The following TMED7 variants were observed in gnomAD, a reference collection of about 807,000 sequenced individuals.
TMED7 encodes the protein transmembrane p24 trafficking protein 7.
In TMED7, 8 loss-of-function variants were observed where a neutral mutation model predicts 23.4. That is an observed-to-expected ratio of 0.34 (90% confidence interval 0.20 to 0.62). The LOEUF is 0.62. TMED7 is among the 20% of genes least tolerant of loss of function. The pLI is 0.77. For missense variants in TMED7, 232 were observed against 279.1 expected (o/e 0.83, Z 1.20); for synonymous variants, 121 against 108.5 (o/e 1.12, Z -0.72).
intron 2 of TMED7, among the ~76,000 whole-genome samples, chr5:115,617,514 G>C (rs1248134823): frequency 2.0e-5 from 3 of 149,530 alleles, no homozygotes; most frequent in African/African-American, 7.3e-5. Context: ...GCTTTGTTCA[G>C]GCCCCTAGGA....
chr5:115,625,980 G>T lies in TMED7; in HGVS notation c.-188C>A. ...TTCCTGTGAGGGGCGCAGACGGGCG[G>T]ACCTGGGGAGGTAAAAGAGAAGCGG... On this transcript the variant is annotated 5_prime_UTR_variant, in exon 1 of 3. Coordinates refer to ENST00000456936, the MANE Select transcript of TMED7 (RefSeq NM_181836.6). 1.3e-6 allele frequency: 1 copy of T among 743,078 alleles called. No individual in the cohort carries two copies. 46.0% of individuals were successfully genotyped at this position (743,078 alleles called of 1,614,324 possible).
Position 115,613,983 on chromosome 5 carries a change from A to G in TMED7, c.*2226T>C, listed in dbSNP as rs17474216. 8,108 of 152,624 alleles carry G rather than the reference A, an allele frequency of 0.053. 265 individuals are homozygous for G. The highest frequency in any genetic ancestry group is 0.13 in the Middle Eastern group (37 of 294). The allele number at this position is 152,624 out of a possible 1,614,324, so 9.5% of individuals were successfully genotyped here. A position where few individuals can be genotyped will look rare whatever the true frequency, so the allele number is the denominator to read the frequency against. ...GATGTTCAAATATGTATTCTGAGCC[A>G]TTATGTTCAAACATAAATATCTGGG... On this transcript the variant is annotated 3_prime_UTR_variant, in exon 3 of 3. Transcript: ENST00000456936.
intron 1 of TMED7, among the ~76,000 whole-genome samples, chr5:115,624,546 G>A (rs1025164292): frequency 2.0e-5 from 3 of 152,114 alleles, no homozygotes; most frequent in African/African-American, 7.2e-5. Flanking sequence ...TCACTGAACT[G>A]CTTATAACCC....
intron 1 of TMED7, among the ~76,000 whole-genome samples, chr5:115,624,911 T>C (rs1340749648): frequency 2.6e-5 from 4 of 152,234 alleles, no homozygotes; most frequent in African/African-American, 9.6e-5. Flanking sequence ...GCAGTGACCC[T>C]ATCTGTTTCG....
chr5:115,620,355 C>T, intron 2 of TMED7, 80 bp downstream of exon 2: 2 of 1,346,212 alleles, frequency 1.5e-6, no homozygotes, highest in South Asian at 4.9e-5. Context: ...CCATGCTCAT[C>T]AGTTAGTGCA....
Position 115,620,658 on chromosome 5 carries a change from T to C in TMED7, c.215A>G (p.Asp72Gly). Residue 72 changes from aspartate (D) to glycine (G), a missense_variant, in exon 2 of 3, where the codon GAT becomes GGT. By Grantham distance (94) the Asp-to-Gly change is moderately conservative (BLOSUM62 -1). Around this residue, in one of 2 missense-constraint regions of TMED7, gnomAD observed 126 missense variants for 182.1 expected, o/e 0.69. Transcript: ENST00000456936. ...EFQVITGGHY[D>G]VDCRLEDPDG... Reference sequence around the variant, plus strand: ...AGGATCTTCTAATCGACAATCTACATCATAGTGACCACCAGTAATCACCTG... The same window carrying C: ...AGGATCTTCTAATCGACAATCTACACCATAGTGACCACCAGTAATCACCTG... 6.5e-7 allele frequency: 1 copy of C among 1,527,202 alleles called. No individual in the cohort carries two copies. The highest frequency in any genetic ancestry group is 8.8e-7 in the Non-Finnish European group (1 of 1,137,660). The allele number at this position is 1,527,202 out of a possible 1,614,324, so 94.6% of individuals were successfully genotyped here.
In TMED7 at chr5:115,625,804, G is replaced by T. The variant is rs901407835; in HGVS notation, c.-12C>A. On this transcript the variant is annotated 5_prime_UTR_variant, in exon 1 of 3. Coordinates refer to ENST00000456936, the MANE Select transcript of TMED7 (RefSeq NM_181836.6). The stretch of plus-strand genomic sequence containing the variant: ...CCCGGCCGCGGCATCCCGAGAAGGC[G>T]GCGGCGGCCTCAACCGAGCTGCGAG... The T allele has an allele frequency of 7.1e-7, 1 of 1,406,060 alleles. No homozygotes were observed. The highest frequency in any genetic ancestry group is 9.2e-7 in the Non-Finnish European group (1 of 1,085,614). The allele number at this position is 1,406,060 out of a possible 1,614,324, so 87.1% of individuals were successfully genotyped here. A position where few individuals can be genotyped will look rare whatever the true frequency, so the allele number is the denominator to read the frequency against.
chr5:115,620,777 C>A, intron 1 of TMED7, 97 bp from the exon 2 acceptor site: 18 of 1,266,046 alleles, frequency 1.4e-5, no homozygotes, highest in Non-Finnish European at 1.8e-5. Flanking sequence ...AGGTGATGGG[C>A]AAAGGACTTT....
At chr5:115,619,037 T>C (rs1756912355) in intron 2 of TMED7, 1 of 152,172 alleles carries the variant, frequency 6.6e-6, no homozygotes, top group Non-Finnish European at 1.5e-5. Flanking sequence ...TTTTTGAAAG[T>C]AGAAAAATAA....
chr5:115,623,146 G>A (rs1367450480), intron 1 of TMED7, among the ~76,000 whole-genome samples: 1 of 152,216 alleles, frequency 6.6e-6, no homozygotes, highest in African/African-American at 2.4e-5. Context: ...GCCAAAGGCT[G>A]CCTCACAGCA....
intron 2 of TMED7, 196 bp from the exon 3 acceptor site, chr5:115,616,641 G>A: frequency 1.3e-6 from 1 of 777,484 alleles, no homozygotes. Context: ...CAACTGTTAA[G>A]GCTAGAGATC....
In TMED7 at chr5:115,625,779, C is replaced by T; in HGVS notation, c.14G>A (p.Gly5Glu). 2 of 1,447,622 alleles carry T rather than the reference C, an allele frequency of 1.4e-6. No homozygotes were observed. Among genetic ancestry groups the T allele is most frequent in the Non-Finnish European group, 9.1e-7 (1 of 1,104,068 alleles). The allele number at this position is 1,447,622 out of a possible 1,614,324, so 89.7% of individuals were successfully genotyped here. A position where few individuals can be genotyped will look rare whatever the true frequency, so the allele number is the denominator to read the frequency against. MPRP[G>E]SAQRWAAVAG... ...GACGGCCGCCCAGCGCTGCGCGGACCCCGGCCGCGGCATCCCGAGAAGGCG... is the reference window on the plus strand; with the variant it reads ...GACGGCCGCCCAGCGCTGCGCGGACTCCGGCCGCGGCATCCCGAGAAGGCG... Residue 5 changes from glycine to glutamate, a missense_variant, in exon 1 of 3, where the codon GGG (glycine) becomes GAG (glutamate). Physicochemically the swap from Gly to Glu is moderately conservative, Grantham distance 98 (BLOSUM62 -2). This residue lies in a region of TMED7 where 106 missense variants were observed against 97.0 expected (regional missense o/e 1.09). Transcript: ENST00000456936.
intron 2 of TMED7, among the ~76,000 whole-genome samples, chr5:115,617,367 G>A (rs1056622624): frequency 1.3e-5 from 2 of 152,170 alleles, no homozygotes. Context: ...AATGTTTAAT[G>A]AAGTTCTGCC....
At chr5:115,620,798 T>A in intron 1 of TMED7, 118 bp from the exon 2 acceptor site, 1 of 1,214,994 alleles carries the variant, frequency 8.2e-7, no homozygotes, top group East Asian at 3.2e-5. Flanking sequence ...TACTATCTTT[T>A]TAAATTTTCA....
chr5:115,625,346 A>T (rs2112580826), intron 1 of TMED7, among the ~76,000 whole-genome samples: 1 of 152,342 alleles, frequency 6.6e-6, no homozygotes, highest in South Asian at 2.1e-4. Flanking sequence ...AAAGTTCAAT[A>T]GGCCTTAAAA....
At chr5:115,618,333 T>C (rs1756874009) in intron 2 of TMED7, among the ~76,000 whole-genome samples, 1 of 152,210 alleles carries the variant, frequency 6.6e-6, no homozygotes, top group South Asian at 2.1e-4. Context: ...CCCAATAGTA[T>C]TATAACACAT....
At chr5:115,618,194 C>T (rs1756866024) in intron 2 of TMED7, among the ~76,000 whole-genome samples, 1 of 152,144 alleles carries the variant, frequency 6.6e-6, no homozygotes, top group Non-Finnish European at 1.5e-5. Context: ...CAAAGATTAA[C>T]ACATGGCTAA....
chr5:115,616,465 G>A lies in TMED7; in HGVS notation c.439-20C>T, dbSNP rs769049502. ...TTCCATCTGCAGAGAAATATTTTCA[G>A]TCAGTATGTGTGATACTTTCTGTAG... is the stretch of plus-strand genomic sequence containing the variant. On this transcript the variant is annotated intron_variant, in intron 2 of 2. Transcript: ENST00000456936. 7 of 1,614,032 alleles carry A rather than the reference G, an allele frequency of 4.3e-6. No individual in the cohort carries two copies. In the South Asian group the frequency reaches 7.7e-5, roughly 18 times the overall value.
rs1320489517 is a variant in TMED7 at position 115,614,752 on chromosome 5, C to T, written c.*1457G>A. The T allele has an allele frequency of 6.6e-6, 1 of 152,018 alleles. No homozygotes were observed. Among genetic ancestry groups the T allele is most frequent in the African/African-American group, 2.4e-5 (1 of 41,418 alleles). 9.4% of individuals were successfully genotyped at this position (152,018 alleles called of 1,614,324 possible). A position where few individuals can be genotyped will look rare whatever the true frequency, so the allele number is the denominator to read the frequency against. On this transcript the variant is annotated 3_prime_UTR_variant, in exon 3 of 3. Transcript: ENST00000456936. ...AGTATATATATGCATTTTAAGATAGCTTAGAATTAAGAGTTAACTTCTAGT... is the reference window on the plus strand; with the variant it reads ...AGTATATATATGCATTTTAAGATAGTTTAGAATTAAGAGTTAACTTCTAGT...
Sources: allele counts gnomAD v4.1 joint callset (sites outside exome capture counted in the v4.1 genomes callset), GRCh38; gene constraint gnomAD v4.1.1; regional missense constraint gnomAD v4.1.1; transcripts MANE v1.5; gene names NCBI Gene and HGNC (gene_info 2026-07-23, HGNC 2026-07-21).